The following DLGAP2 variants were observed in gnomAD, a reference collection of about 807,000 sequenced individuals.
DLGAP2 encodes DLG associated protein 2.
Under a neutral mutation model 100.3 loss-of-function variants are expected in DLGAP2, and 26 were observed. The ratio of observed to expected loss-of-function variants is 0.26; its 90% CI spans 0.19 to 0.36. The LOEUF is 0.36. Ranked by LOEUF, DLGAP2 falls within the 10% of genes least tolerant of loss-of-function variation. The pLI, the probability that DLGAP2 is intolerant of heterozygous loss-of-function variation, is 1.00. For missense variants in DLGAP2, 1,858 were observed against 1,453.2 expected, an observed-to-expected ratio of 1.28 and a Z score of -4.53; for synonymous variants, 886 against 630.1, an observed-to-expected ratio of 1.41 and a Z score of -6.08.
intron 5 of DLGAP2, among the ~76,000 whole-genome samples, chr8:1,552,997 G>T (rs565675042): frequency 3.3e-5 from 5 of 152,162 alleles, no homozygotes; most frequent in African/African-American, 4.8e-5. Context: ...GAACGGATTC[G>T]CCGTGGCTTA....
chr8:1,695,397 T>C lies in DLGAP2; in HGVS notation c.2797-1750T>C, dbSNP rs1199421857. ...CCTACAGAAAGAGGGGGCACAGCCT[T>C]ACCCGGCCCTACAGAAAGAGGGGGC... On this transcript the variant is annotated intron_variant, in intron 13 of 14. Transcript: ENST00000637795. Among the ~76,000 whole-genome samples, 3 of 132,136 alleles carry C rather than the reference T, an allele frequency of 2.3e-5. No homozygotes were observed. The South Asian group carries it at 6.9e-4, about 31-fold the overall frequency. The allele number at this position is 132,136 out of a possible 152,430, so 86.7% of individuals were successfully genotyped here.
chr8:1,338,649 A>G (rs1801344603), intron 3 of DLGAP2, among the ~76,000 whole-genome samples: 1 of 152,224 alleles, frequency 6.6e-6, no homozygotes, highest in African/African-American at 2.4e-5. Context: ...CTTTATTTTA[A>G]AAATCTAAAA....
intron 2 of DLGAP2, among the ~76,000 whole-genome samples, chr8:1,054,718 G>A (rs1389090752): frequency 6.6e-6 from 1 of 152,114 alleles, no homozygotes. Context: ...TATTTGGAAG[G>A]TTTGATTCAT....
rs144323548 is a variant in DLGAP2, at chr8:1,244,948, G to A, written c.74-13903G>A. Among the ~76,000 whole-genome samples the A allele has an allele frequency of 6.3e-3, 964 of 152,316 alleles. 8 individuals carry two copies. Among genetic ancestry groups the A allele is most frequent in the Non-Finnish European group, 7.1e-3 (482 of 68,026 alleles). On this transcript the variant is annotated intron_variant, in intron 2 of 14. Coordinates refer to ENST00000637795, the MANE Select transcript of DLGAP2 (RefSeq NM_001346810.2). ...AAAAGACAAGCCGAGAAAGGGATGGGCAGAGGGCATGAACAGGCAATTCAC... is the reference window on the plus strand; with the variant it reads ...AAAAGACAAGCCGAGAAAGGGATGGACAGAGGGCATGAACAGGCAATTCAC...
chr8:1,281,253 A>G (rs1799807762), intron 3 of DLGAP2, among the ~76,000 whole-genome samples: 1 of 152,228 alleles, frequency 6.6e-6, no homozygotes, highest in Non-Finnish European at 1.5e-5. Flanking sequence ...AAAGTCGTAG[A>G]TGTGGGTTTT....
chr8:1,564,255 G>A (rs1050865777), intron 5 of DLGAP2, among the ~76,000 whole-genome samples: 1 of 152,218 alleles, frequency 6.6e-6, no homozygotes, highest in Non-Finnish European at 1.5e-5. Context: ...CCTGCAGGGA[G>A]CAGCTCCCGC....
intron 2 of DLGAP2, among the ~76,000 whole-genome samples, chr8:1,088,053 C>T (rs955140792): frequency 6.6e-6 from 1 of 152,226 alleles, no homozygotes; most frequent in African/African-American, 2.4e-5. Context: ...GCCTTCACAC[C>T]ACTGCCAAAA....
At chr8:1,259,543 G>A (rs1370070331) in intron 3 of DLGAP2, 1 of 152,226 alleles carries the variant, frequency 6.6e-6, no homozygotes, top group Admixed American at 6.5e-5. Context: ...CTTTGATTTC[G>A]AGGTCTGCTT....
At chr8:1,694,715 G>A (rs371706124) in intron 13 of DLGAP2, among the ~76,000 whole-genome samples, 3 of 152,104 alleles carry the variant, frequency 2.0e-5, no homozygotes, top group Non-Finnish European at 2.9e-5. Context: ...CAGGCCACAC[G>A]GGGCACCGAA....
At chr8:805,647 A>G (rs907239236) in intron 1 of DLGAP2, among the ~76,000 whole-genome samples, 11 of 151,940 alleles carry the variant, frequency 7.2e-5, no homozygotes, top group African/African-American at 2.4e-4. Flanking sequence ...TCTTTCTGTC[A>G]CCCAGGCTGG....
chr8:811,491 G>T (rs1013860984), intron 1 of DLGAP2, among the ~76,000 whole-genome samples: 17 of 148,816 alleles, frequency 1.1e-4, no homozygotes, highest in African/African-American at 3.5e-4. Context: ...CTCAGCCAGG[G>T]CTCCTGCCGT....
rs1004429143 is a variant in DLGAP2 at position 1,102,843 on chromosome 8, T to G, written c.74-156008T>G. 3.3e-5 allele frequency among the ~76,000 whole-genome samples: 5 copies of G among 151,624 alleles called. No homozygotes were observed. In the South Asian group the frequency reaches 8.4e-4, roughly 25 times the overall value. On this transcript the variant is annotated intron_variant, in intron 2 of 14. Coordinates refer to ENST00000637795, the MANE Select transcript of DLGAP2 (RefSeq NM_001346810.2). ...GGCAGAAAATGTGCGTGGGGCCTTGTGAGTCTCCGGGGTCTTTGTGAGTCT... is the reference window on the plus strand; with the variant it reads ...GGCAGAAAATGTGCGTGGGGCCTTGGGAGTCTCCGGGGTCTTTGTGAGTCT...
chr8:1,512,552 C>T (rs917977663), intron 4 of DLGAP2, among the ~76,000 whole-genome samples: 1 of 152,092 alleles, frequency 6.6e-6, no homozygotes, highest in South Asian at 2.1e-4. Context: ...CGCACTCCCC[C>T]GAGAGAGGCC....
intron 2 of DLGAP2, among the ~76,000 whole-genome samples, chr8:1,201,886 TGTG>T (rs1431939602): frequency 6.6e-6 from 1 of 152,078 alleles, no homozygotes; most frequent in African/African-American, 2.4e-5. Flanking sequence ...TGTGTAAGCA[TGTG>T]GTGTGTATGT....
chr8:1,225,229 G>T (rs114538592), intron 2 of DLGAP2, among the ~76,000 whole-genome samples: 1 of 152,180 alleles, frequency 6.6e-6, no homozygotes, highest in African/African-American at 2.4e-5. Flanking sequence ...TACAGACAAC[G>T]GAACATTTCT....
intron 1 of DLGAP2, among the ~76,000 whole-genome samples, chr8:897,458 C>T (rs546656035): frequency 3.5e-4 from 53 of 152,322 alleles, no homozygotes; most frequent in African/African-American, 1.2e-3. Context: ...GACATTTCAG[C>T]GATGCTTCCT....
At chr8:788,900 AC>A (rs1821950517) in intron 1 of DLGAP2, among the ~76,000 whole-genome samples, 2 of 152,098 alleles carry the variant, frequency 1.3e-5, no homozygotes, top group Admixed American at 1.3e-4. Context: ...CTGGTGAGAC[AC>A]CTTTAGCCTC....
At chr8:1,210,824 G>A (rs1417607590) in intron 2 of DLGAP2, among the ~76,000 whole-genome samples, 1 of 151,974 alleles carries the variant, frequency 6.6e-6, no homozygotes, top group Non-Finnish European at 1.5e-5. Context: ...GTTTTCCCAT[G>A]TGGGACACTT....
At chr8:1,131,712 T>C (rs552654490) in intron 2 of DLGAP2, among the ~76,000 whole-genome samples, 1 of 152,158 alleles carries the variant, frequency 6.6e-6, no homozygotes, top group Non-Finnish European at 1.5e-5. Flanking sequence ...AGGTGAGATG[T>C]TTGCTTTGGG....
Sources: allele counts gnomAD v4.1 joint callset (sites outside exome capture counted in the v4.1 genomes callset), GRCh38; gene constraint gnomAD v4.1.1; transcripts MANE v1.5; gene names NCBI Gene and HGNC (gene_info 2026-07-23, HGNC 2026-07-21).